FAR2: variants seen among roughly 807,000 people sequenced by gnomAD.
FAR2 encodes epididymis secretory protein Li 81.
Under a neutral mutation model 56.0 loss-of-function variants are expected in FAR2, and 19 were observed. That is an observed-to-expected ratio of 0.34 (90% confidence interval 0.24 to 0.50). The LOEUF is 0.50. FAR2 is among the 20% of genes least tolerant of loss of function. FAR2 has a pLI of 0.98. For synonymous variants in FAR2, 219 were observed against 218.8 expected (o/e 1.00, Z -0.01); for missense variants, 508 against 642.2 (o/e 0.79, Z 2.26).
intron 8 of FAR2, 91 bp downstream of exon 8, chr12:29,312,041 T>C: frequency 2.2e-6 from 2 of 890,932 alleles, no homozygotes; most frequent in South Asian, 1.6e-5. Context: ...AGAGCTTATA[T>C]GGGGAGAAAG....
chr12:29,168,853 G>T (rs1949857493), intron 1 of FAR2, among the ~76,000 whole-genome samples: 1 of 152,184 alleles, frequency 6.6e-6, no homozygotes, highest in Non-Finnish European at 1.5e-5. Context: ...GCTGGCTGGG[G>T]TGGCAAGCTT....
chr12:29,168,965 G>C (rs907025276), intron 1 of FAR2, among the ~76,000 whole-genome samples: 1 of 152,142 alleles, frequency 6.6e-6, no homozygotes, highest in Non-Finnish European at 1.5e-5. Context: ...ATTTTACAGA[G>C]TGCTGATTGA....
chr12:29,182,048 A>G lies in FAR2; in HGVS notation c.-39+32641A>G, dbSNP rs183259448. 1.3e-4 allele frequency among the ~76,000 whole-genome samples: 20 copies of G among 152,340 alleles called. No individual in the cohort carries two copies. In the East Asian group the frequency reaches 1.9e-3, roughly 15 times the overall value. Reference sequence around the variant, plus strand: ...GAGAGGAAAGATTCCCAGACCAAGTATCTCTCCCATAGAAGCCATCCTTGG... The same window carrying G: ...GAGAGGAAAGATTCCCAGACCAAGTGTCTCTCCCATAGAAGCCATCCTTGG... On this transcript the variant is annotated intron_variant, in intron 1 of 11. Transcript: ENST00000536681.
chr12:29,215,655 A>G (rs1159952586), intron 1 of FAR2, among the ~76,000 whole-genome samples: 1 of 152,192 alleles, frequency 6.6e-6, no homozygotes, highest in Non-Finnish European at 1.5e-5. Flanking sequence ...CAAAATCTTA[A>G]CTTTGAGGTA....
intron 3 of FAR2, 32 bp from the exon 4 acceptor site, chr12:29,296,989 C>A: frequency 6.4e-7 from 1 of 1,552,248 alleles, no homozygotes. Context: ...TGACTTACTT[C>A]ATTGTATTTC....
chr12:29,195,300 A>G (rs974215366), intron 1 of FAR2, among the ~76,000 whole-genome samples: 4 of 152,202 alleles, frequency 2.6e-5, no homozygotes, highest in African/African-American at 9.6e-5. Flanking sequence ...GGAAACTACT[A>G]TCTACCATCT....
chr12:29,243,986 T>A (rs1390792969), intron 1 of FAR2, among the ~76,000 whole-genome samples: 1 of 147,532 alleles, frequency 6.8e-6, no homozygotes, highest in Non-Finnish European at 1.5e-5. Context: ...GAACATAGTG[T>A]ACATTTAATC....
chr12:29,288,484 A>G (rs1340397213), intron 2 of FAR2, among the ~76,000 whole-genome samples: 1 of 152,084 alleles, frequency 6.6e-6, no homozygotes, highest in South Asian at 2.1e-4. Flanking sequence ...TTTTGATTTC[A>G]TCTATTTTTC....
intron 1 of FAR2, among the ~76,000 whole-genome samples, chr12:29,199,460 C>T (rs1278653602): frequency 1.3e-5 from 2 of 151,652 alleles, no homozygotes; most frequent in Non-Finnish European, 2.9e-5. Flanking sequence ...ATTAGCCGGG[C>T]GTGGTGGCGG....
chr12:29,309,143 A>G, intron 5 of FAR2, 43 bp from the exon 6 acceptor site: 2 of 1,449,552 alleles, frequency 1.4e-6, no homozygotes, highest in Non-Finnish European at 1.9e-6. Flanking sequence ...AGATAAAACA[A>G]TTTTCTGAAA....
chr12:29,161,898 T>C (rs901298036), intron 1 of FAR2, among the ~76,000 whole-genome samples: 2 of 150,470 alleles, frequency 1.3e-5, no homozygotes, highest in African/African-American at 4.9e-5. Context: ...CACCTTTCTA[T>C]ATATTTTTTG....
intron 4 of FAR2, among the ~76,000 whole-genome samples, chr12:29,304,051 G>T (rs1472630373): frequency 6.6e-6 from 1 of 152,164 alleles, no homozygotes; most frequent in Non-Finnish European, 1.5e-5. Context: ...AGTTTAAGTT[G>T]ACCTTGAAGC....
intron 2 of FAR2, among the ~76,000 whole-genome samples, chr12:29,287,825 G>A (rs552444142): frequency 3.3e-5 from 5 of 152,258 alleles, no homozygotes; most frequent in African/African-American, 1.2e-4. Context: ...GAGGTCATGT[G>A]GCTAACTAGT....
chr12:29,263,198 T>C (rs946737182), intron 1 of FAR2, among the ~76,000 whole-genome samples: 19 of 152,216 alleles, frequency 1.2e-4, no homozygotes, highest in African/African-American at 4.6e-4. Flanking sequence ...AATACAATAA[T>C]AGCAGAGGCT....
intron 1 of FAR2, among the ~76,000 whole-genome samples, chr12:29,241,188 T>G (rs573172288): frequency 1.3e-5 from 2 of 152,216 alleles, no homozygotes; most frequent in East Asian, 3.8e-4. Context: ...ATGCTACACA[T>G]ATAATGTATG....
chr12:29,172,066 A>G (rs1167797855), intron 1 of FAR2: 2 of 150,122 alleles, frequency 1.3e-5, no homozygotes, highest in African/African-American at 2.5e-5. Context: ...GGAAGTGAGG[A>G]GCGCCTCTGC....
chr12:29,331,943 TTTTC>T (rs1300877420), intron 10 of FAR2: 2 of 152,174 alleles, frequency 1.3e-5, no homozygotes, highest in Non-Finnish European at 2.9e-5. Flanking sequence ...TTTTAATCAT[TTTTC>T]TTTATTGTCA....
At chr12:29,229,042 G>T (rs1947812980) in intron 1 of FAR2, among the ~76,000 whole-genome samples, 1 of 152,116 alleles carries the variant, frequency 6.6e-6, no homozygotes, top group South Asian at 2.1e-4. Context: ...AACAATGCTT[G>T]TTTTTAAAAG....
chr12:29,185,218 T>C (rs1950029821), intron 1 of FAR2, among the ~76,000 whole-genome samples: 1 of 152,202 alleles, frequency 6.6e-6, no homozygotes, highest in African/African-American at 2.4e-5. Context: ...TATGGTTAAA[T>C]TTCAAATTAA....
Sources: allele counts gnomAD v4.1 joint callset (sites outside exome capture counted in the v4.1 genomes callset), GRCh38; gene constraint gnomAD v4.1.1; transcripts MANE v1.5; gene names NCBI Gene and HGNC (gene_info 2026-07-23, HGNC 2026-07-21).